Variants in SVIL observed in about 807,000 individuals in gnomAD.
SVIL encodes supervillin.
In SVIL, 101 loss-of-function variants were observed where a neutral mutation model predicts 240.4. The ratio of observed to expected loss-of-function variants is 0.42; its 90% CI spans 0.36 to 0.50. SVIL has a LOEUF of 0.50. Among genes scored for constraint, SVIL ranks in the 20% least tolerant of loss-of-function variants. SVIL has a pLI of 0.01. For missense variants in SVIL, 2,512 were observed against 2,818.7 expected (o/e 0.89, Z 2.46); for synonymous variants, 999 against 1,100.0 (o/e 0.91, Z 1.82).
intron 2 of SVIL, among the ~76,000 whole-genome samples, chr10:29,683,060 G>A (rs1361608599): frequency 1.3e-5 from 2 of 152,154 alleles, no homozygotes; most frequent in Admixed American, 6.5e-5. Flanking sequence ...AAGGTGACTG[G>A]GCTACAACTT....
chr10:29,564,203 G>T (rs905175274), intron 2 of SVIL, among the ~76,000 whole-genome samples: 1 of 152,126 alleles, frequency 6.6e-6, no homozygotes, highest in African/African-American at 2.4e-5. Flanking sequence ...ATGTCTGGCC[G>T]CAGCACAACA....
At chr10:29,729,706 C>T (rs1476588117) in intron 1 of SVIL, among the ~76,000 whole-genome samples, 3 of 112,146 alleles carry the variant, frequency 2.7e-5, no homozygotes, top group Non-Finnish European at 5.5e-5. Flanking sequence ...TGGTGGCACG[C>T]ACCTGTAGTT....
At chr10:29,616,802 A>C (rs1249501204) in intron 1 of SVIL, among the ~76,000 whole-genome samples, 1 of 152,176 alleles carries the variant, frequency 6.6e-6, no homozygotes, top group Non-Finnish European at 1.5e-5. Flanking sequence ...TGCTCACTGC[A>C]ACCTCTGCCT....
chr10:29,601,476 C>T (rs1956809486), intron 1 of SVIL, among the ~76,000 whole-genome samples: 1 of 152,192 alleles, frequency 6.6e-6, no homozygotes, highest in Non-Finnish European at 1.5e-5. Context: ...CCACTTTTGT[C>T]CCCAGTTCTA....
At chr10:29,571,408 C>T (rs1490792374) in intron 1 of SVIL, among the ~76,000 whole-genome samples, 2 of 152,186 alleles carry the variant, frequency 1.3e-5, no homozygotes, top group Non-Finnish European at 1.5e-5. Flanking sequence ...CCTCTCCCTA[C>T]GGACACACAT....
chr10:29,509,326 G>GGAGGGA (rs1949617597), intron 17 of SVIL, among the ~76,000 whole-genome samples: 1 of 56,212 alleles, frequency 1.8e-5, no homozygotes, highest in African/African-American at 5.4e-5. Context: ...AGAAGGAGGG[G>GGAGGGA]GAGGGAGAGA....
intron 2 of SVIL, among the ~76,000 whole-genome samples, chr10:29,669,379 C>A (rs1444681816): frequency 6.6e-6 from 1 of 152,180 alleles, no homozygotes; most frequent in Non-Finnish European, 1.5e-5. Context: ...CCCGGATAAC[C>A]AGCAGGAAGT....
chr10:29,700,509 C>T (rs117015302), intron 1 of SVIL, among the ~76,000 whole-genome samples: 2,207 of 135,352 alleles, frequency 0.016, 45 homozygotes, highest in East Asian at 0.099. Flanking sequence ...TATGCTCTGT[C>T]GCCCAGCCTG....
chr10:29,706,679 T>G (rs1336896445), intron 1 of SVIL, among the ~76,000 whole-genome samples: 1 of 152,132 alleles, frequency 6.6e-6, no homozygotes, highest in Non-Finnish European at 1.5e-5. Flanking sequence ...CTGTTGCAAT[T>G]GCTTTTGGTG....
At chr10:29,713,293 T>G (rs975499632) in intron 1 of SVIL, among the ~76,000 whole-genome samples, 2 of 149,946 alleles carry the variant, frequency 1.3e-5, no homozygotes, top group African/African-American at 2.5e-5. Flanking sequence ...TGTGTGTGCA[T>G]GTGAACGTGG....
intron 17 of SVIL, among the ~76,000 whole-genome samples, chr10:29,504,600 A>G (rs1033257913): frequency 1.3e-5 from 2 of 152,242 alleles, no homozygotes; most frequent in African/African-American, 4.8e-5. Flanking sequence ...GCTCAACATC[A>G]TATCTGCAAA....
At chr10:29,607,844 T>C (rs138661125) in intron 1 of SVIL, among the ~76,000 whole-genome samples, 1 of 152,208 alleles carries the variant, frequency 6.6e-6, no homozygotes, top group South Asian at 2.1e-4. Context: ...CTCAAGGAGC[T>C]GGGAACCTGG....
chr10:29,611,178 G>A (rs1013854910), intron 1 of SVIL, among the ~76,000 whole-genome samples: 9 of 152,028 alleles, frequency 5.9e-5, no homozygotes, highest in South Asian at 2.1e-4. Flanking sequence ...CAGTCCCGCC[G>A]TCTATTCCTG....
chr10:29,632,496 A>C (rs1958138394), intron 1 of SVIL, among the ~76,000 whole-genome samples: 1 of 151,734 alleles, frequency 6.6e-6, no homozygotes, highest in African/African-American at 2.4e-5. Flanking sequence ...ATCTCAAAAA[A>C]AAAAAAAAGA....
At chr10:29,628,046 C>T (rs1487487879) in intron 1 of SVIL, among the ~76,000 whole-genome samples, 3 of 152,126 alleles carry the variant, frequency 2.0e-5, no homozygotes, top group South Asian at 4.1e-4. Flanking sequence ...TATTTGCAAA[C>T]AAATTGAATT....
chr10:29,632,889 G>A (rs1414314783), intron 1 of SVIL, among the ~76,000 whole-genome samples: 1 of 152,068 alleles, frequency 6.6e-6, no homozygotes. Flanking sequence ...AGTTTCCATT[G>A]TAAGACAAAT....
At chr10:29,540,977 C>A (rs1412196759) in intron 6 of SVIL, among the ~76,000 whole-genome samples, 1 of 152,162 alleles carries the variant, frequency 6.6e-6, no homozygotes, top group Non-Finnish European at 1.5e-5. Flanking sequence ...TAAAATATTT[C>A]ATTCCATCAA....
upstream of SVIL, among the ~76,000 whole-genome samples, chr10:29,639,461 G>T (rs1006298830): frequency 7.3e-6 from 1 of 136,238 alleles, no homozygotes; most frequent in Non-Finnish European, 1.5e-5. Flanking sequence ...GAGCCACTGC[G>T]CCTGGCCCTT....
chr10:29,510,909 C>T (rs950495507), intron 17 of SVIL, among the ~76,000 whole-genome samples: 3 of 113,142 alleles, frequency 2.7e-5, no homozygotes, highest in African/African-American at 1.3e-4. Flanking sequence ...TGAGAAACAC[C>T]TGACCTCAAC....
Sources: allele counts gnomAD v4.1 joint callset (sites outside exome capture counted in the v4.1 genomes callset), GRCh38; gene constraint gnomAD v4.1.1; transcripts MANE v1.5; gene names NCBI Gene and HGNC (gene_info 2026-07-23, HGNC 2026-07-21).